The following SV2C variants were observed in gnomAD, a reference collection of about 807,000 sequenced individuals.
SV2C encodes the protein solute carrier family 22 member B3.
Under a neutral mutation model 79.7 loss-of-function variants are expected in SV2C, and 49 were observed. The observed-to-expected ratio is 0.61, with a 90% confidence interval of 0.49 to 0.78. The LOEUF (loss-of-function observed/expected upper bound fraction) is 0.78. SV2C is among the 30% of genes least tolerant of loss of function. The pLI is 0.00. For missense variants in SV2C, 833 were observed against 912.9 expected, an observed-to-expected ratio of 0.91 and a Z score of 1.13; for synonymous variants, 334 against 333.2, an observed-to-expected ratio of 1.00 and a Z score of -0.03.
At chr5:76,287,491 G>A (rs1454987397) in intron 6 of SV2C, among the ~76,000 whole-genome samples, 1 of 152,128 alleles carries the variant, frequency 6.6e-6, no homozygotes, top group Non-Finnish European at 1.5e-5. Context: ...ATTGCTCTCA[G>A]GATAAAGACA....
At chr5:76,347,709 T>A (rs1407403747) in intron 12 of SV2C, among the ~76,000 whole-genome samples, 1 of 152,218 alleles carries the variant, frequency 6.6e-6, no homozygotes, top group Admixed American at 6.5e-5. Flanking sequence ...CCCAAAGTGC[T>A]GGGATTGCAA....
At chr5:76,150,694 G>A (rs1749578731) in intron 2 of SV2C, among the ~76,000 whole-genome samples, 1 of 130,760 alleles carries the variant, frequency 7.6e-6, no homozygotes, top group African/African-American at 2.9e-5. Context: ...CTGGAGTGCA[G>A]TGGCACAATC....
the SV2C span, chr5:75,910,852 G>T: frequency 8.4e-7 from 1 of 1,189,244 alleles, no homozygotes; most frequent in Non-Finnish European, 1.3e-6. Context: ...AAATGAGCAA[G>T]CTGAACTGCA....
the SV2C span, among the ~76,000 whole-genome samples, chr5:76,072,383 A>G: frequency 6.6e-6 from 1 of 152,214 alleles, no homozygotes; most frequent in African/African-American, 2.4e-5. Context: ...CCTTGCCCTC[A>G]AAAAGCTGTT....
chr5:76,145,343 T>C (rs1177041764), intron 2 of SV2C, among the ~76,000 whole-genome samples: 2 of 152,238 alleles, frequency 1.3e-5, no homozygotes, highest in Non-Finnish European at 2.9e-5. Context: ...TTTGTTGTTG[T>C]TCTTCAGAGA....
chr5:75,911,544 A>T, the SV2C span: 1 of 663,910 alleles, frequency 1.5e-6, no homozygotes. Flanking sequence ...CTGAGACTCC[A>T]AGTCCTAGTA....
intron 1 of SV2C, among the ~76,000 whole-genome samples, chr5:76,113,301 GC>G (rs1748152303): frequency 6.6e-6 from 1 of 152,156 alleles, no homozygotes; most frequent in African/African-American, 2.4e-5. Context: ...CTGCTGGGTG[GC>G]CCCAGTAAAC....
At chr5:76,084,017 G>T (rs1009020229) in intron 1 of SV2C, 2 of 152,358 alleles carry the variant, frequency 1.3e-5, no homozygotes, top group Non-Finnish European at 2.9e-5. Context: ...CGGGAGAGCA[G>T]AGGTAGCCGC....
chr5:76,030,289 T>TTTTTTTTTATTTATTTA, the SV2C span, among the ~76,000 whole-genome samples: 7 of 117,870 alleles, frequency 5.9e-5, no homozygotes, highest in African/African-American at 2.7e-4. Context: ...TTTTTTTTTT[T>TTTTTTTTTATTTATTTA]TTTATTTATT....
chr5:76,274,329 T>G (rs987486070), intron 4 of SV2C, among the ~76,000 whole-genome samples: 22 of 152,152 alleles, frequency 1.4e-4, no homozygotes, highest in Non-Finnish European at 2.9e-4. Context: ...ACTATAATTT[T>G]TTCAAAAAGT....
the SV2C span, among the ~76,000 whole-genome samples, chr5:76,035,807 C>A: frequency 2.0e-5 from 3 of 151,940 alleles, no homozygotes; most frequent in Admixed American, 6.6e-5. Flanking sequence ...TCCTTGTTGA[C>A]TTTCTGTCTC....
upstream of SV2C, among the ~76,000 whole-genome samples, chr5:76,080,893 G>A (rs1230793202): frequency 6.6e-6 from 1 of 152,136 alleles, no homozygotes; most frequent in Non-Finnish European, 1.5e-5. Flanking sequence ...GGATCCAAGG[G>A]GCCTGGGGCC....
intron 1 of SV2C, among the ~76,000 whole-genome samples, chr5:76,084,556 A>T (rs116086344): frequency 0.081 from 8,659 of 107,288 alleles, 854 homozygotes; most frequent in African/African-American, 0.26. Context: ...GCGTGCGGGG[A>T]CCTTAGGCGG....
At chr5:75,989,123 A>C in the SV2C span, among the ~76,000 whole-genome samples, 7 of 151,882 alleles carry the variant, frequency 4.6e-5, no homozygotes, top group Non-Finnish European at 8.8e-5. Context: ...CCCACTTTCC[A>C]ATAAACCACC....
the SV2C span, among the ~76,000 whole-genome samples, chr5:75,892,974 T>C: frequency 6.6e-6 from 1 of 152,084 alleles, no homozygotes; most frequent in Non-Finnish European, 1.5e-5. Flanking sequence ...GGTAGCTCTA[T>C]TTTTAGTTCT....
chr5:75,855,274 A>G, the SV2C span, among the ~76,000 whole-genome samples: 2 of 152,214 alleles, frequency 1.3e-5, no homozygotes, highest in African/African-American at 4.8e-5. Flanking sequence ...TCCTATTATA[A>G]TGGCATTGGA....
the SV2C span, among the ~76,000 whole-genome samples, chr5:75,904,466 G>A: frequency 1.3e-5 from 2 of 152,008 alleles, no homozygotes; most frequent in Admixed American, 6.6e-5. Flanking sequence ...CAGCAACTCT[G>A]AGTGTCTTGT....
the SV2C span, among the ~76,000 whole-genome samples, chr5:76,006,727 G>T: frequency 1.3e-5 from 2 of 152,122 alleles, no homozygotes; most frequent in African/African-American, 4.8e-5. Flanking sequence ...AGCACTCCCA[G>T]AAAACTTAGG....
At chr5:75,963,178 C>T in the SV2C span, among the ~76,000 whole-genome samples, 1 of 152,126 alleles carries the variant, frequency 6.6e-6, no homozygotes, top group African/African-American at 2.4e-5. Context: ...AAACATCCTA[C>T]TCGTTCCACT....
Sources: gnomAD v4.1 joint callset for allele counts (sites outside exome capture counted in the v4.1 genomes callset) on GRCh38, gnomAD v4.1.1 for gene constraint, MANE v1.5 for transcripts, NCBI Gene and HGNC (gene_info 2026-07-23, HGNC 2026-07-21) for gene names.